GINS2: variants seen among roughly 807,000 people sequenced by gnomAD.
GINS2 encodes DNA replication complex GINS protein PSF2.
Under a neutral mutation model 21.2 loss-of-function variants are expected in GINS2, and 23 were observed. That is an observed-to-expected ratio of 1.08 (90% CI 0.78 to 1.53). GINS2 has a LOEUF of 1.53. GINS2 is among the 40% of genes most tolerant of loss of function. GINS2 has a pLI of 0.00. For missense variants in GINS2, 323 were observed against 233.9 expected (o/e 1.38, Z -2.49); for synonymous variants, 118 against 85.6 (o/e 1.38, Z -2.09).
At position 85,688,788 on chromosome 16, in the gene GINS2, C is replaced by A. The variant is rs1179982551; in HGVS notation, c.90+21G>T. The A allele has an allele frequency of 3.4e-6, 5 of 1,463,354 alleles. No homozygotes were observed. In the South Asian group the frequency reaches 3.9e-5, roughly 11 times the overall value. 90.6% of individuals were successfully genotyped at this position (1,463,354 alleles called of 1,614,324 possible). ...CGCGCCCAGCCCGGCCTCCCCTCCC[C>A]ACGGCGGGCCCAGGCCTCACCCCGA... is the stretch of plus-strand genomic sequence containing the variant. On this transcript the variant is annotated intron_variant, in intron 1 of 4. Transcript: ENST00000253462.
chr16:85,678,796 C>G (rs1234765695), intron 3 of GINS2, 130 bp from the exon 4 acceptor site: 5 of 867,892 alleles, frequency 5.8e-6, no homozygotes, highest in Non-Finnish European at 7.3e-6. Context: ...GCTTTATTTT[C>G]AACTTTAGGG....
intron 2 of GINS2, among the ~76,000 whole-genome samples, chr16:85,682,114 C>T (rs183035052): frequency 2.1e-5 from 3 of 140,952 alleles, no homozygotes; most frequent in East Asian, 4.8e-4. Context: ...GCAGCTTCAA[C>T]CTCCTGGGCT....
rs1209881224 is a variant in GINS2 at position 85,676,348 on chromosome 16, G to A, written c.*1864C>T. On this transcript the variant is annotated 3_prime_UTR_variant, in exon 5 of 5. Transcript: ENST00000253462. The stretch of plus-strand genomic sequence containing the variant: ...GACCCCTTGCCCTCCACAATAACAA[G>A]TGGTTTCATTCTAAAAGATCCCCAG... The A allele has an allele frequency of 6.6e-6, 1 of 152,234 alleles. No homozygotes were observed. Among genetic ancestry groups the A allele is most frequent in the Non-Finnish European group, 1.5e-5 (1 of 68,048 alleles). The allele number at this position is 152,234 out of a possible 1,614,324, so 9.4% of individuals were successfully genotyped here.
At chr16:85,678,395 A>C (rs2053703504) in intron 4 of GINS2, 58 bp from the exon 5 acceptor site, 1 of 1,593,242 alleles carries the variant, frequency 6.3e-7, no homozygotes, top group South Asian at 1.1e-5. Flanking sequence ...AGAAAAAGGT[A>C]AACTCTACTG....
Position 85,688,814 on chromosome 16 carries a change from T to A in GINS2, c.85A>T (p.Ile29Phe). The change falls in exon 1 of 5, where the codon ATC (isoleucine) becomes TTC (phenylalanine). Residue 29 changes from isoleucine to phenylalanine, a missense_variant. Ile to Phe is a conservative substitution (Grantham distance 21). Transcript: ENST00000253462. ...PNFSLDKIYL[I>F]GGDLGPFNPG... ...ACGGCGGGCCCAGGCCTCACCCCGA[T>A]GAGGTAGATCTTGTCCAGACTGAAG... 1 of 1,511,172 alleles carries A rather than the reference T, an allele frequency of 6.6e-7. No homozygotes were observed. Among genetic ancestry groups the A allele is most frequent in the South Asian group, 1.2e-5 (1 of 81,790 alleles). 93.6% of individuals were successfully genotyped at this position (1,511,172 alleles called of 1,614,324 possible).
At chr16:85,687,616 C>T (rs761987369) in intron 1 of GINS2, 42 bp from the exon 2 acceptor site, 8 of 1,213,024 alleles carry the variant, frequency 6.6e-6, no homozygotes, top group Non-Finnish European at 9.2e-6. Flanking sequence ...TGAAAAAGAA[C>T]AAAAAAAGCA....
intron 2 of GINS2, among the ~76,000 whole-genome samples, chr16:85,683,045 C>T (rs185665610): frequency 2.6e-5 from 4 of 152,214 alleles, no homozygotes; most frequent in Admixed American, 2.6e-4. Context: ...CACTCGAGGA[C>T]CAGCCTTCCA....
intron 1 of GINS2, among the ~76,000 whole-genome samples, chr16:85,688,487 A>T (rs1302412959): frequency 6.6e-6 from 1 of 152,220 alleles, no homozygotes; most frequent in Non-Finnish European, 1.5e-5. Flanking sequence ...CGGAGGCTGC[A>T]GTGAGCCGAG....
rs991815194 is a variant in GINS2 at position 85,677,012 on chromosome 16, G to A, written c.*1200C>T. ...CCCGAGTAGCTGCGACTATAGGCGT[G>A]TGCCACCACACCTGGCAAATTTTTT... is the stretch of plus-strand genomic sequence containing the variant. On this transcript the variant is annotated 3_prime_UTR_variant, in exon 5 of 5. Transcript: ENST00000253462. The A allele has an allele frequency of 6.6e-6, 1 of 151,744 alleles. No individual in the cohort carries two copies. Among genetic ancestry groups the A allele is most frequent in the South Asian group, 2.1e-4 (1 of 4,796 alleles). The allele number at this position is 151,744 out of a possible 1,614,324, so 9.4% of individuals were successfully genotyped here. A position where few individuals can be genotyped will look rare whatever the true frequency, so the allele number is the denominator to read the frequency against.
At chr16:85,687,623 A>G (rs750566109) in intron 1 of GINS2, 49 bp from the exon 2 acceptor site, 1 of 1,124,966 alleles carries the variant, frequency 8.9e-7, no homozygotes, top group East Asian at 2.6e-5. Context: ...GAACAAAAAA[A>G]GCATTACTGT....
intron 2 of GINS2, among the ~76,000 whole-genome samples, chr16:85,685,877 G>C (rs1433877521): frequency 6.6e-6 from 1 of 151,432 alleles, no homozygotes; most frequent in Non-Finnish European, 1.5e-5. Flanking sequence ...CCAGTAAGGA[G>C]GGGGCAGTCA....
rs1373454906 is a variant in GINS2 at position 85,687,703 on chromosome 16, CA to C, written c.91-130del. On this transcript the variant is annotated intron_variant, in intron 1 of 4. Transcript: ENST00000253462. ...AGTCCAAATGCAAATAATAAAAACC[CA>C]ACTGTTACCAGACTCAGAACAAAGC... is the stretch of plus-strand genomic sequence containing the variant. The C allele has an allele frequency of 7.1e-6, 4 of 565,720 alleles. No individual in the cohort carries two copies. The African/African-American group carries it at 7.8e-5, about 11-fold the overall frequency. 35.0% of individuals were successfully genotyped at this position (565,720 alleles called of 1,614,324 possible).
chr16:85,680,191 G>A (rs538405829), intron 3 of GINS2, among the ~76,000 whole-genome samples: 4 of 152,180 alleles, frequency 2.6e-5, no homozygotes, highest in Non-Finnish European at 5.9e-5. Context: ...CGCCACTGCC[G>A]AGTGGAATGC....
At chr16:85,687,851 C>T (rs1333777367) in intron 1 of GINS2, 2 of 294,152 alleles carry the variant, frequency 6.8e-6, no homozygotes, top group Non-Finnish European at 1.3e-5. Flanking sequence ...CCTGCACCCT[C>T]CAACTCCGGA....
At chr16:85,685,308 G>C (rs775796039) in intron 2 of GINS2, among the ~76,000 whole-genome samples, 1 of 152,150 alleles carries the variant, frequency 6.6e-6, no homozygotes, top group Admixed American at 6.5e-5. Context: ...AAAAGTGCCA[G>C]ACACTGATTT....
chr16:85,688,867 T>C lies in GINS2; in HGVS notation c.32A>G (p.Glu11Gly), dbSNP rs765077661. 22 of 1,544,632 alleles carry C rather than the reference T, an allele frequency of 1.4e-5. No individual in the cohort carries two copies. In the East Asian group the frequency reaches 1.8e-4, roughly 12 times the overall value. The change falls in exon 1 of 5, where the codon GAG becomes GGG. Residue 11 changes from glutamate (E) to glycine (G), a missense_variant. By Grantham distance (98) the Glu-to-Gly change is moderately conservative. Transcript: ENST00000253462. Reference protein sequence around the residue: MDAAEVEFLAEKELVTIIPNF... With the variant: MDAAEVEFLAGKELVTIIPNF... ...GGGGATAATGGTAACCAGCTCCTTC[T>C]CGGCGAGGAATTCGACCTCGGCAGC...
chr16:85,680,007 C>T (rs2053718270), intron 3 of GINS2, among the ~76,000 whole-genome samples: 1 of 152,182 alleles, frequency 6.6e-6, no homozygotes, highest in African/African-American at 2.4e-5. Flanking sequence ...CCCTACCGTC[C>T]ACCTCCTACA....
chr16:85,677,031 AT>A lies in GINS2; in HGVS notation c.*1180del, dbSNP rs34197467. ...AGGCGTGTGCCACCACACCTGGCAA[AT>A]TTTTTTTTTTTTGTATTTTTAATAG... On this transcript the variant is annotated 3_prime_UTR_variant, in exon 5 of 5. Coordinates refer to ENST00000253462, the MANE Select transcript of GINS2 (RefSeq NM_016095.3). The A allele has an allele frequency of 1.3e-3, 193 of 146,086 alleles. No homozygotes were observed. The highest frequency in any genetic ancestry group is 3.6e-3 in the Middle Eastern group (1 of 278). The allele number at this position is 146,086 out of a possible 1,614,324, so 9.0% of individuals were successfully genotyped here.
intron 2 of GINS2, among the ~76,000 whole-genome samples, chr16:85,684,191 G>A (rs148283208): frequency 1.9e-3 from 295 of 152,278 alleles, no homozygotes; most frequent in African/African-American, 6.8e-3. Flanking sequence ...AAAATTAGCT[G>A]AATGTGATGG....
Sources: gnomAD v4.1 joint callset for allele counts (sites outside exome capture counted in the v4.1 genomes callset) on GRCh38, gnomAD v4.1.1 for gene constraint, MANE v1.5 for transcripts, NCBI Gene and HGNC (gene_info 2026-07-23, HGNC 2026-07-21) for gene names.